The following RAD51B variants were observed in gnomAD, a reference collection of about 807,000 sequenced individuals.
RAD51B encodes the protein RAD51 paralog B.
In RAD51B, 38 loss-of-function variants were observed where a neutral mutation model predicts 42.2. The observed-to-expected ratio is 0.90, with a 90% CI of 0.70 to 1.18. The LOEUF (loss-of-function observed/expected upper bound fraction) is 1.18, where lower values mean the gene tolerates loss of function less well. Ranked by LOEUF, RAD51B falls within the 50% of genes most tolerant of loss-of-function variation. The pLI is 0.00. For missense variants in RAD51B, 373 were observed against 400.7 expected, an observed-to-expected ratio of 0.93 and a Z score of 0.59; for synonymous variants, 154 against 145.2, an observed-to-expected ratio of 1.06 and a Z score of -0.43.
intron 5 of RAD51B, among the ~76,000 whole-genome samples, chr14:67,866,790 T>G (rs1273423150): frequency 1.3e-5 from 2 of 152,210 alleles, no homozygotes; most frequent in African/African-American, 4.8e-5. Flanking sequence ...ATTATTTACT[T>G]TTTGAATCCC....
chr14:68,001,743 T>C (rs1040269995), intron 7 of RAD51B, among the ~76,000 whole-genome samples: 2 of 152,138 alleles, frequency 1.3e-5, no homozygotes, highest in Non-Finnish European at 2.9e-5. Flanking sequence ...TTCCCCTCCA[T>C]GTGTCCCTGT....
chr14:67,897,018 G>T (rs1455151443), intron 7 of RAD51B, among the ~76,000 whole-genome samples: 2 of 152,112 alleles, frequency 1.3e-5, no homozygotes, highest in African/African-American at 4.8e-5. Flanking sequence ...TCAATAAACG[G>T]TGTCAGGAAA....
intron 7 of RAD51B, among the ~76,000 whole-genome samples, chr14:68,238,305 T>G (rs186041916): frequency 1.4e-3 from 216 of 152,156 alleles, no homozygotes; most frequent in African/African-American, 5.0e-3. Context: ...TGTTTTGTTG[T>G]TTTTTTGTTT....
intron 7 of RAD51B, among the ~76,000 whole-genome samples, chr14:67,994,185 A>T (rs1159335845): frequency 6.6e-6 from 1 of 151,548 alleles, no homozygotes; most frequent in Non-Finnish European, 1.5e-5. Flanking sequence ...GAGAAATAAG[A>T]TATTGTTAAG....
At chr14:67,823,445 G>GA (rs2040702770) in intron 1 of RAD51B, 97 bp from the exon 2 acceptor site, 2 of 937,214 alleles carry the variant, frequency 2.1e-6, no homozygotes, top group Non-Finnish European at 3.2e-6. Flanking sequence ...GAAACTTGAG[G>GA]AATTTTTAAT....
At chr14:68,455,712 T>A (rs4902594) in intron 9 of RAD51B, among the ~76,000 whole-genome samples, 11 of 151,822 alleles carry the variant, frequency 7.2e-5, no homozygotes, top group Non-Finnish European at 1.2e-4. Context: ...AGAGCGAGAC[T>A]CTGTCTCAAA....
At chr14:67,901,737 A>G (rs897457570) in intron 7 of RAD51B, among the ~76,000 whole-genome samples, 2 of 152,238 alleles carry the variant, frequency 1.3e-5, no homozygotes, top group Admixed American at 6.5e-5. Context: ...TTCAGCCATA[A>G]AAAGAATGAA....
At chr14:68,250,446 A>G (rs1049266051) in intron 7 of RAD51B, among the ~76,000 whole-genome samples, 1 of 152,244 alleles carries the variant, frequency 6.6e-6, no homozygotes, top group African/African-American at 2.4e-5. Context: ...TGCCTGAGAT[A>G]TCAAGCTATA....
At chr14:67,960,440 A>G (rs2074640252) in intron 7 of RAD51B, among the ~76,000 whole-genome samples, 1 of 152,270 alleles carries the variant, frequency 6.6e-6, no homozygotes, top group South Asian at 2.1e-4. Flanking sequence ...GCACTTCAGG[A>G]GAGCCTATAG....
chr14:68,610,851 G>A (rs1252446652), intron 10 of RAD51B, among the ~76,000 whole-genome samples: 2 of 48,248 alleles, frequency 4.1e-5, no homozygotes, highest in Non-Finnish European at 9.4e-5. Context: ...ATATGTGTGT[G>A]TGTGTGTGTG....
intron 10 of RAD51B, among the ~76,000 whole-genome samples, chr14:68,473,646 A>G (rs1375343113): frequency 6.6e-6 from 1 of 152,222 alleles, no homozygotes; most frequent in Non-Finnish European, 1.5e-5. Context: ...ACAGAAAATC[A>G]TAAAAGAAAA....
chr14:67,896,390 A>G (rs763654974), intron 7 of RAD51B, among the ~76,000 whole-genome samples: 7 of 152,218 alleles, frequency 4.6e-5, no homozygotes, highest in African/African-American at 7.2e-5. Flanking sequence ...TGTACCTTTA[A>G]TTTAGTATGA....
At chr14:68,282,200 C>T (rs1186311097) in intron 7 of RAD51B, among the ~76,000 whole-genome samples, 2 of 152,170 alleles carry the variant, frequency 1.3e-5, no homozygotes, top group Non-Finnish European at 2.9e-5. Flanking sequence ...CCAGGCTGGT[C>T]TTGAACTCCT....
intron 10 of RAD51B, chr14:68,627,255 T>C (rs1381786373): frequency 6.6e-6 from 1 of 152,198 alleles, no homozygotes; most frequent in Non-Finnish European, 1.5e-5. Context: ...GCAGTTGCCA[T>C]GGAGACCTGG....
At chr14:68,001,798 T>G (rs1406307958) in intron 7 of RAD51B, among the ~76,000 whole-genome samples, 1 of 152,144 alleles carries the variant, frequency 6.6e-6, no homozygotes, top group Non-Finnish European at 1.5e-5. Flanking sequence ...ACATGTGGCG[T>G]TTGGTTTTCT....
intron 7 of RAD51B, among the ~76,000 whole-genome samples, chr14:68,270,029 T>G (rs1057227218): frequency 1.3e-5 from 2 of 152,212 alleles, no homozygotes; most frequent in Admixed American, 1.3e-4. Flanking sequence ...AAATCAAAAA[T>G]AGAAATACAT....
chr14:68,624,864 C>T (rs1313894210), intron 10 of RAD51B, among the ~76,000 whole-genome samples: 2 of 152,182 alleles, frequency 1.3e-5, no homozygotes, highest in Non-Finnish European at 2.9e-5. Context: ...TATCCAGAGC[C>T]CTCCCATGCC....
chr14:68,170,468 C>G (rs931314574), intron 7 of RAD51B, among the ~76,000 whole-genome samples: 19 of 152,078 alleles, frequency 1.2e-4, no homozygotes, highest in Admixed American at 7.2e-4. Context: ...ATTACTAATT[C>G]TTTTTCCAAT....
intron 7 of RAD51B, among the ~76,000 whole-genome samples, chr14:67,914,085 C>A (rs932261178): frequency 6.6e-6 from 1 of 151,850 alleles, no homozygotes; most frequent in African/African-American, 2.4e-5. Context: ...CATTTTCAAG[C>A]GATTCTCTTG....
Sources: allele counts gnomAD v4.1 joint callset (sites outside exome capture counted in the v4.1 genomes callset), GRCh38; gene constraint gnomAD v4.1.1; transcripts MANE v1.5; gene names NCBI Gene and HGNC (gene_info 2026-07-23, HGNC 2026-07-21).